The following CTNNA2 variants were observed in gnomAD, a reference collection of about 807,000 sequenced individuals.
CTNNA2 encodes the protein catenin alpha-2.
CTNNA2 carries 42 observed loss-of-function variants against 101.0 expected under a neutral mutation model. The ratio of observed to expected loss-of-function variants is 0.42; its 90% CI spans 0.32 to 0.54. CTNNA2 has a LOEUF of 0.54. Among genes scored for constraint, CTNNA2 ranks in the 20% least tolerant of loss-of-function variants. The pLI, the probability that CTNNA2 is intolerant of heterozygous loss-of-function variation, is 0.14. For missense variants in CTNNA2, 871 were observed against 1,223.1 expected (o/e 0.71, Z 4.29); for synonymous variants, 450 against 456.4 (o/e 0.99, Z 0.18).
At position 79,464,290 on chromosome 2, in the gene CTNNA2, A is replaced by G. The variant is rs572825702; in HGVS notation, c.-134-40764A>G. Among the ~76,000 whole-genome samples the G allele has an allele frequency of 3.3e-5, 5 of 152,190 alleles. No individual in the cohort carries two copies. The South Asian group carries it at 1.0e-3, about 32-fold the overall frequency. On this transcript the variant is annotated intron_variant, in intron 4 of 21. Coordinates refer to the CTNNA2 transcript ENST00000466387. ...AGAATGATGGTTTCCAGCTTTATCCATCTCCCCGCAAAGGACATGAACTCA... is the reference window on the plus strand; with the variant it reads ...AGAATGATGGTTTCCAGCTTTATCCGTCTCCCCGCAAAGGACATGAACTCA...
At chr2:80,328,302 A>G in intron 7 of CTNNA2, 1 of 471,158 alleles carries the variant, frequency 2.1e-6, no homozygotes, top group Non-Finnish European at 4.4e-6. Flanking sequence ...GTCCTGAATG[A>G]GGAAGCTGCA....
chr2:80,196,790 G>A (rs1260078901), intron 7 of CTNNA2, among the ~76,000 whole-genome samples: 3 of 152,064 alleles, frequency 2.0e-5, no homozygotes, highest in Admixed American at 6.6e-5. Context: ...ACCCCAATAC[G>A]AAAGATCACT....
chr2:79,442,816 T>C lies in CTNNA2; in HGVS notation c.-134-62238T>C, dbSNP rs756301682. On this transcript the variant is annotated intron_variant, in intron 4 of 21. Transcript: ENST00000466387. ...TTTGTATGAGGCGTATTGTGGGAGGTTGAATTCAAAGCAGAGTGGTAATGA... is the reference window on the plus strand; with the variant it reads ...TTTGTATGAGGCGTATTGTGGGAGGCTGAATTCAAAGCAGAGTGGTAATGA... Among the ~76,000 whole-genome samples, 6 of 152,132 alleles carry C rather than the reference T, an allele frequency of 3.9e-5. No homozygotes were observed. The South Asian group carries it at 1.2e-3, about 32-fold the overall frequency.
intron 7 of CTNNA2, among the ~76,000 whole-genome samples, chr2:80,379,792 A>C (rs2149346567): frequency 6.6e-6 from 1 of 152,276 alleles, no homozygotes; most frequent in African/African-American, 2.4e-5. Context: ...CCTACCCTAG[A>C]GATACTGAAA....
At chr2:79,749,269 TGG>T (rs2105017756) in intron 3 of CTNNA2, among the ~76,000 whole-genome samples, 1 of 152,226 alleles carries the variant, frequency 6.6e-6, no homozygotes, top group South Asian at 2.1e-4. Context: ...ATCTGCCGTA[TGG>T]GGTCATTCTC....
At chr2:79,957,101 A>T (rs997991346) in intron 7 of CTNNA2, among the ~76,000 whole-genome samples, 2 of 152,114 alleles carry the variant, frequency 1.3e-5, no homozygotes, top group Admixed American at 6.5e-5. Context: ...GTGCACTGTC[A>T]TGGGAAATGC....
At chr2:80,505,315 T>A (rs1437468894) in intron 9 of CTNNA2, among the ~76,000 whole-genome samples, 1 of 152,226 alleles carries the variant, frequency 6.6e-6, no homozygotes, top group Non-Finnish European at 1.5e-5. Flanking sequence ...TATCTCTTGG[T>A]TTGCCTAAAG....
At chr2:80,353,619 A>T (rs933662667) in intron 7 of CTNNA2, among the ~76,000 whole-genome samples, 14 of 152,308 alleles carry the variant, frequency 9.2e-5, no homozygotes, top group African/African-American at 3.1e-4. Context: ...CAGATGTTCT[A>T]GACCTACCTC....
intron 9 of CTNNA2, among the ~76,000 whole-genome samples, chr2:80,442,045 C>A (rs1682638234): frequency 6.6e-6 from 1 of 152,216 alleles, no homozygotes; most frequent in Non-Finnish European, 1.5e-5. Context: ...TAGTAGCCTG[C>A]AAAATAAGTT....
At chr2:79,434,765 G>A (rs1678695705) in intron 4 of CTNNA2, among the ~76,000 whole-genome samples, 1 of 152,192 alleles carries the variant, frequency 6.6e-6, no homozygotes, top group Non-Finnish European at 1.5e-5. Context: ...GGAGATGAGT[G>A]AGAAACAGGG....
intron 7 of CTNNA2, among the ~76,000 whole-genome samples, chr2:80,219,291 C>T (rs746076224): frequency 1.4e-4 from 21 of 152,154 alleles, no homozygotes; most frequent in Non-Finnish European, 2.2e-4. Context: ...GGATTCTGCA[C>T]AGTGAGAGGG....
At chr2:79,924,866 T>C (rs1448516605) in intron 7 of CTNNA2, among the ~76,000 whole-genome samples, 2 of 152,118 alleles carry the variant, frequency 1.3e-5, no homozygotes, top group Non-Finnish European at 2.9e-5. Flanking sequence ...GAAGAAAGTG[T>C]GGTTGTGAAT....
intron 7 of CTNNA2, among the ~76,000 whole-genome samples, chr2:80,045,605 A>G (rs1696463188): frequency 6.6e-6 from 1 of 151,828 alleles, no homozygotes; most frequent in South Asian, 2.1e-4. Flanking sequence ...ACATTTCCCT[A>G]CTCCCACATC....
intron 5 of CTNNA2, 28 bp downstream of exon 5, chr2:79,869,963 GA>G (rs765500227): frequency 6.2e-7 from 1 of 1,610,430 alleles, no homozygotes; most frequent in South Asian, 1.1e-5. Context: ...AATGCTAGGG[GA>G]GAAAATGGGT....
intron 3 of CTNNA2, among the ~76,000 whole-genome samples, chr2:79,361,712 G>A (rs1677633816): frequency 6.6e-6 from 1 of 152,130 alleles, no homozygotes. Context: ...TGCAAGTTGA[G>A]GAGCAAGGGG....
At chr2:80,228,804 C>T (rs1709038058) in intron 7 of CTNNA2, among the ~76,000 whole-genome samples, 1 of 152,202 alleles carries the variant, frequency 6.6e-6, no homozygotes, top group Non-Finnish European at 1.5e-5. Flanking sequence ...TCACCATTTA[C>T]AGTTTGTGTA....
At chr2:79,429,021 T>A (rs1237582806) in intron 4 of CTNNA2, among the ~76,000 whole-genome samples, 1 of 152,154 alleles carries the variant, frequency 6.6e-6, no homozygotes, top group Non-Finnish European at 1.5e-5. Flanking sequence ...TGATTTCCTT[T>A]CCAGCTGGAG....
chr2:80,353,048 G>A (rs764960373), intron 7 of CTNNA2, among the ~76,000 whole-genome samples: 4 of 152,112 alleles, frequency 2.6e-5, no homozygotes, highest in Non-Finnish European at 5.9e-5. Context: ...AGGAGGTTTA[G>A]ATGTGACTAT....
chr2:80,619,544 C>T (rs1400894834), intron 18 of CTNNA2, among the ~76,000 whole-genome samples: 1 of 151,908 alleles, frequency 6.6e-6, no homozygotes, highest in East Asian at 1.9e-4. Context: ...TTGTGAGCTT[C>T]ACTAAGGAAG....
Sources: gnomAD v4.1 joint callset for allele counts (sites outside exome capture counted in the v4.1 genomes callset) on GRCh38, gnomAD v4.1.1 for gene constraint, MANE v1.5 for transcripts, NCBI Gene and HGNC (gene_info 2026-07-23, HGNC 2026-07-21) for gene names.